Variants in LAMB3 observed in about 807,000 individuals in gnomAD.
The protein encoded by LAMB3 is laminin subunit beta 3, also known as laminin subunit beta-3.
LAMB3 carries 104 observed loss-of-function variants against 140.3 expected under a neutral mutation model. That is an observed-to-expected ratio of 0.74 (90% confidence interval 0.63 to 0.87). The LOEUF (loss-of-function observed/expected upper bound fraction) is 0.87, where lower values mean the gene tolerates loss of function less well. LAMB3 is among the 40% of genes least tolerant of loss of function. LAMB3 has a pLI of 0.00. For synonymous variants in LAMB3, 592 were observed against 602.9 expected, an observed-to-expected ratio of 0.98 and a Z score of 0.26; for missense variants, 1,531 against 1,575.2, an observed-to-expected ratio of 0.97 and a Z score of 0.47.
chr1:209,638,116 G>C (rs868386844), intron 4 of LAMB3, 135 bp from the exon 5 acceptor site: 2 of 741,082 alleles, frequency 2.7e-6, no homozygotes, highest in Middle Eastern at 2.3e-4. Context: ...CTCTTGGAGA[G>C]GAGTGGGGAG....
chr1:209,626,483 T>A (rs898319439), intron 13 of LAMB3, among the ~76,000 whole-genome samples: 1 of 152,154 alleles, frequency 6.6e-6, no homozygotes, highest in East Asian at 1.9e-4. Context: ...TGTGGTGACA[T>A]CAAACTGACT....
chr1:209,639,284 G>A (rs181719219), intron 3 of LAMB3, among the ~76,000 whole-genome samples: 3 of 152,232 alleles, frequency 2.0e-5, no homozygotes, highest in East Asian at 1.9e-4. Context: ...CTCTACTCTG[G>A]GCTCTGGAGT....
chr1:209,618,139 C>T (rs916650536), intron 19 of LAMB3, 91 bp from the exon 20 acceptor site: 4 of 1,514,134 alleles, frequency 2.6e-6, no homozygotes, highest in Admixed American at 1.7e-5. Flanking sequence ...TCCAAAAGAA[C>T]ACCCTTCCCA....
rs543254613 is a variant in LAMB3 at position 209,640,909 on chromosome 1, C to A, written c.184-2261G>T. 7.9e-5 allele frequency among the ~76,000 whole-genome samples: 12 copies of A among 151,588 alleles called. No individual in the cohort carries two copies. In the East Asian group the frequency reaches 2.0e-3, roughly 25 times the overall value. ...ATCCTGGCTAACACAGTGAAACCCCCTCTCTACTAAAAATACAAAAAAAAT... is the reference window on the plus strand; with the variant it reads ...ATCCTGGCTAACACAGTGAAACCCCATCTCTACTAAAAATACAAAAAAAAT... On this transcript the variant is annotated intron_variant, in intron 3 of 22. Coordinates refer to ENST00000356082, the MANE Select transcript of LAMB3 (RefSeq NM_000228.3).
chr1:209,622,710 G>A lies in LAMB3; in HGVS notation c.2557-30C>T, dbSNP rs752347958. 5.0e-6 allele frequency: 8 copies of A among 1,613,904 alleles called. No homozygotes were observed. In the Middle Eastern group the frequency reaches 4.9e-4, roughly 100 times the overall value. On this transcript the variant is annotated intron_variant, in intron 17 of 22. Coordinates refer to ENST00000356082, the MANE Select transcript of LAMB3 (RefSeq NM_000228.3). The stretch of plus-strand genomic sequence containing the variant: ...TGACATACACTCTAGGTCAGAAGGG[G>A]TAAGGCCCCAAGGGAACCTCTCAGC...
chr1:209,638,068 G>A (rs1666950658), intron 4 of LAMB3, 87 bp from the exon 5 acceptor site: 1 of 1,100,774 alleles, frequency 9.1e-7, no homozygotes, highest in South Asian at 1.3e-5. Context: ...CTAGCTCTAG[G>A]AACTCAGAAA....
chr1:209,621,676 C>T (rs1449149199), intron 18 of LAMB3, among the ~76,000 whole-genome samples: 2 of 152,162 alleles, frequency 1.3e-5, no homozygotes, highest in African/African-American at 2.4e-5. Flanking sequence ...TTTATAGAAG[C>T]AAAAGATGAG....
At chr1:209,616,182 C>T (rs577810388) in intron 22 of LAMB3, among the ~76,000 whole-genome samples, 1 of 152,158 alleles carries the variant, frequency 6.6e-6, no homozygotes, top group Non-Finnish European at 1.5e-5. Context: ...AAATATAATT[C>T]TATGCATCTT....
rs148726330 is a variant in LAMB3, at chr1:209,628,048, C to A, written c.1275G>T (p.Pro425=). 3.2e-5 allele frequency: 51 copies of A among 1,605,240 alleles called. No individual in the cohort carries two copies. Among genetic ancestry groups the A allele is most frequent in the East Asian group, 1.1e-4 (5 of 44,544 alleles). Residue 425 remains proline, a synonymous_variant, in exon 11 of 23, where the codon CCG becomes CCT. Transcript: ENST00000356082. ...CCCCCTACTCACGGTGGCAGCCCTG[C>A]GGGTTGGCGTAGGTGAGTCCAGTGA... ...PGFTGLTYAN[P]QGCHRCDCNI... is the part of the protein sequence containing the mutation.
Position 209,630,422 on chromosome 1 carries a change from G to A in LAMB3, c.943+193C>T, listed in dbSNP as rs1666636167. Reference sequence around the variant, plus strand: ...AAGAAGCAGGCTCTAGCTGGGGACAGTGGGAGGATGTCACCCAAATACTCT... The same window carrying A: ...AAGAAGCAGGCTCTAGCTGGGGACAATGGGAGGATGTCACCCAAATACTCT... On this transcript the variant is annotated intron_variant, in intron 9 of 22. Transcript: ENST00000356082. 5 of 655,018 alleles carry A rather than the reference G, an allele frequency of 7.6e-6. No homozygotes were observed. The East Asian group carries it at 1.1e-4, about 14-fold the overall frequency. 40.6% of individuals were successfully genotyped at this position (655,018 alleles called of 1,614,324 possible). A position where few individuals can be genotyped will look rare whatever the true frequency, so the allele number is the denominator to read the frequency against.
chr1:209,638,894 C>T (rs967564098), intron 3 of LAMB3, among the ~76,000 whole-genome samples: 2 of 148,490 alleles, frequency 1.3e-5, no homozygotes, highest in African/African-American at 2.5e-5. Context: ...GATGTGTGAA[C>T]GGAGAAGAGG....
At chr1:209,644,035 T>C (rs1015051732) in intron 3 of LAMB3, among the ~76,000 whole-genome samples, 1 of 152,184 alleles carries the variant, frequency 6.6e-6, no homozygotes, top group Non-Finnish European at 1.5e-5. Context: ...GATGCTATCC[T>C]GGAGAAACAC....
At chr1:209,624,040 A>G in intron 14 of LAMB3, 40 bp from the exon 15 acceptor site, 3 of 1,589,638 alleles carry the variant, frequency 1.9e-6, no homozygotes, top group Non-Finnish European at 2.6e-6. Context: ...TATAGGAGGG[A>G]GTTTTGCCTC....
Position 209,648,014 on chromosome 1 carries a change from GC to G in LAMB3, c.183+1949del, listed in dbSNP as rs1400711139. ...CTGAATTTCTAATTCTTATCATGCA[GC>G]CACCAGAGCACCCAGAGGGGGTTCA... is the stretch of plus-strand genomic sequence containing the variant. On this transcript the variant is annotated intron_variant, in intron 3 of 22. Coordinates refer to ENST00000356082, the MANE Select transcript of LAMB3 (RefSeq NM_000228.3). 2.6e-5 allele frequency among the ~76,000 whole-genome samples: 4 copies of G among 152,304 alleles called. No individual in the cohort carries two copies. The East Asian group carries it at 7.7e-4, about 29-fold the overall frequency.
At chr1:209,628,279 C>T in intron 10 of LAMB3, 89 bp from the exon 11 acceptor site, 1 of 1,410,344 alleles carries the variant, frequency 7.1e-7, no homozygotes, top group East Asian at 2.5e-5. Flanking sequence ...GGTTCAAATC[C>T]TTGTTCCACC....
intron 17 of LAMB3, 81 bp from the exon 18 acceptor site, chr1:209,622,761 T>C: frequency 1.3e-6 from 2 of 1,574,294 alleles, no homozygotes. Context: ...CGGATCATCC[T>C]CTATGCCAAG....
intron 3 of LAMB3, among the ~76,000 whole-genome samples, chr1:209,648,815 G>T (rs901761821): frequency 6.6e-6 from 1 of 151,982 alleles, no homozygotes; most frequent in African/African-American, 2.4e-5. Flanking sequence ...GGAGGTTATG[G>T]GTGGAGGGAA....
intron 5 of LAMB3, among the ~76,000 whole-genome samples, chr1:209,634,934 TCTCTCTC>T: frequency 6.6e-6 from 1 of 151,152 alleles, no homozygotes; most frequent in Non-Finnish European, 1.5e-5. Flanking sequence ...TCTCTCTCTC[TCTCTCTC>T]TCTCTCTCTC....
intron 22 of LAMB3, 96 bp from the exon 23 acceptor site, chr1:209,615,503 A>T: frequency 7.1e-7 from 1 of 1,414,972 alleles, no homozygotes; most frequent in Non-Finnish European, 9.5e-7. Context: ...TGGAGGTAGC[A>T]TGTGTAGAGG....
Sources: gnomAD v4.1 joint callset for allele counts (sites outside exome capture counted in the v4.1 genomes callset) on GRCh38, gnomAD v4.1.1 for gene constraint, MANE v1.5 for transcripts, NCBI Gene and HGNC (gene_info 2026-07-23, HGNC 2026-07-21) for gene names.